PCDH11X: variants seen among roughly 807,000 people sequenced by gnomAD.
The protein encoded by PCDH11X is protocadherin-11 X-linked.
A neutral mutation model predicts 53.3 loss-of-function variants in PCDH11X; 18 were observed. That is an observed-to-expected ratio of 0.34 (90% CI 0.23 to 0.50). The LOEUF is 0.50. Ranked by LOEUF, PCDH11X falls within the 20% of genes least tolerant of loss-of-function variation. The probability of loss-of-function intolerance (pLI) is 0.98; values close to 1 mark genes in which losing one functional copy is unlikely to be tolerated. For synonymous variants in PCDH11X, 279 were observed against 393.3 expected (o/e 0.71, Z 3.44); for missense variants, 570 against 1,032.4 (o/e 0.55, Z 6.14).
intron 10 of PCDH11X, among the ~76,000 whole-genome samples, chrX:92,507,371 G>A (rs1257301736): frequency 3.6e-5 from 4 of 110,902 alleles, no homozygotes; most frequent in Admixed American, 1.9e-4. Context: ...GGCTATAAAC[G>A]TTCCTTTTAA....
intron 6 of PCDH11X, among the ~76,000 whole-genome samples, chrX:92,192,585 G>A (rs1283050789): frequency 9.0e-6 from 1 of 110,859 alleles, no homozygotes; most frequent in African/African-American, 3.3e-5. Context: ...TTGACCTCAT[G>A]ATCCGCCCAC....
chrX:91,781,053 C>A (rs762296236), intron 1 of PCDH11X, among the ~76,000 whole-genome samples: 80 of 112,337 alleles, frequency 7.1e-4, no homozygotes, highest in African/African-American at 2.5e-3. Flanking sequence ...CTAGCCTCTC[C>A]GATGCAAAAT....
rs1928593509 is a variant in PCDH11X, at chrX:92,622,639, T to C, written c.*3699T>C. The C allele has an allele frequency of 9.0e-6, 1 of 111,229 alleles. No individual in the cohort carries two copies. The highest frequency in any genetic ancestry group is 3.7e-4 in the South Asian group (1 of 2,692). 9.2% of individuals were successfully genotyped at this position (111,229 alleles called of 1,213,427 possible). Reference sequence around the variant, plus strand: ...TTTTGAATGCTTCCAACTGGCTCAATTGGCCGGGAAAACATGGGAGCAAGA... The same window carrying C: ...TTTTGAATGCTTCCAACTGGCTCAACTGGCCGGGAAAACATGGGAGCAAGA... On this transcript the variant is annotated 3_prime_UTR_variant, in exon 11 of 11. Coordinates refer to ENST00000682573, the MANE Select transcript of PCDH11X (RefSeq NM_032968.5).
chrX:92,326,639 T>TATATATATAGAG (rs758088746), intron 8 of PCDH11X, among the ~76,000 whole-genome samples: 1 of 39,311 alleles, frequency 2.5e-5, no homozygotes, highest in African/African-American at 1.7e-4. Flanking sequence ...TATATATATA[T>TATATATATAGAG]AGAGAGAGAG....
At chrX:92,406,734 G>A (rs2071525118) in intron 9 of PCDH11X, among the ~76,000 whole-genome samples, 1 of 99,030 alleles carries the variant, frequency 1.0e-5, no homozygotes, top group Non-Finnish European at 2.0e-5. Flanking sequence ...GACCATCTTG[G>A]CCAACATGGT....
chrX:92,277,732 G>A (rs1241791799), intron 8 of PCDH11X, among the ~76,000 whole-genome samples: 1 of 110,195 alleles, frequency 9.1e-6, no homozygotes, highest in African/African-American at 3.3e-5. Context: ...ATAAGGGATT[G>A]GGGCGCAGAG....
intron 6 of PCDH11X, among the ~76,000 whole-genome samples, chrX:92,170,543 T>C (rs1308285631): frequency 9.1e-6 from 1 of 110,243 alleles, no homozygotes; most frequent in Non-Finnish European, 1.9e-5. Flanking sequence ...GATGAAGAAT[T>C]TTACCATGGA....
chrX:92,230,764 A>T (rs1251661262), intron 7 of PCDH11X, among the ~76,000 whole-genome samples: 1 of 107,372 alleles, frequency 9.3e-6, no homozygotes. Flanking sequence ...GACCACGGAA[A>T]GAGGTTGCTA....
At chrX:92,417,635 A>G (rs2071844944) in intron 9 of PCDH11X, among the ~76,000 whole-genome samples, 1 of 110,759 alleles carries the variant, frequency 9.0e-6, no homozygotes, top group South Asian at 3.7e-4. Flanking sequence ...GTTAAACTAT[A>G]TTTCTGCTCC....
intron 4 of PCDH11X, among the ~76,000 whole-genome samples, chrX:91,822,086 T>C (rs1430372823): frequency 3.6e-5 from 4 of 109,743 alleles, no homozygotes; most frequent in East Asian, 2.8e-4. Context: ...CACTATTTTA[T>C]TGAGGATTTT....
At chrX:92,166,618 C>T (rs1274584595) in intron 6 of PCDH11X, among the ~76,000 whole-genome samples, 1 of 110,503 alleles carries the variant, frequency 9.0e-6, no homozygotes, top group African/African-American at 3.3e-5. Context: ...TTCATCTGGG[C>T]CAGATGTGAT....
At chrX:92,255,569 G>T (rs1426952834) in intron 7 of PCDH11X, among the ~76,000 whole-genome samples, 1 of 107,573 alleles carries the variant, frequency 9.3e-6, no homozygotes, top group African/African-American at 3.4e-5. Flanking sequence ...CATCTTTGTG[G>T]TTTTATCTAC....
At chrX:92,037,636 T>G (rs5984852) in intron 6 of PCDH11X, among the ~76,000 whole-genome samples, 38,449 of 109,032 alleles carry the variant, frequency 0.35, 7,225 homozygotes, top group African/African-American at 0.67. Flanking sequence ...CTTCCACAAT[T>G]GTTGAACTAA....
intron 6 of PCDH11X, among the ~76,000 whole-genome samples, chrX:92,083,280 G>T (rs1020163747): frequency 4.5e-5 from 5 of 111,481 alleles, no homozygotes; most frequent in Admixed American, 2.9e-4. Flanking sequence ...TTTACTAAGG[G>T]CTGACACTGT....
intron 10 of PCDH11X, among the ~76,000 whole-genome samples, chrX:92,518,851 G>A (rs2074318500): frequency 2.0e-5 from 2 of 101,234 alleles, no homozygotes; most frequent in African/African-American, 7.4e-5. Flanking sequence ...CCACCTCCCA[G>A]GTTCATGCCA....
intron 7 of PCDH11X, among the ~76,000 whole-genome samples, chrX:92,255,261 G>T (rs1011305863): frequency 3.8e-5 from 4 of 105,005 alleles, no homozygotes; most frequent in Non-Finnish European, 5.9e-5. Context: ...CATTCTTCAC[G>T]TAGTTCTCGA....
At chrX:92,488,781 T>G (rs2073699372) in intron 10 of PCDH11X, among the ~76,000 whole-genome samples, 1 of 87,520 alleles carries the variant, frequency 1.1e-5, no homozygotes, top group Non-Finnish European at 2.2e-5. Context: ...CAAATTCTGA[T>G]CTGAGGGAAT....
intron 10 of PCDH11X, among the ~76,000 whole-genome samples, chrX:92,502,091 C>A (rs2148696613): frequency 9.1e-6 from 1 of 110,088 alleles, no homozygotes; most frequent in African/African-American, 3.3e-5. Context: ...AAGCAGAGAG[C>A]AAAATCATGA....
chrX:91,823,302 G>A (rs1015433336), intron 4 of PCDH11X, among the ~76,000 whole-genome samples: 15 of 110,600 alleles, frequency 1.4e-4, no homozygotes, highest in East Asian at 2.9e-4. Context: ...TTAATGTGTC[G>A]GAGTCTAAGT....
Sources: allele counts gnomAD v4.1 joint callset (sites outside exome capture counted in the v4.1 genomes callset), GRCh38; gene constraint gnomAD v4.1.1; transcripts MANE v1.5; gene names NCBI Gene and HGNC (gene_info 2026-07-23, HGNC 2026-07-21).